The following PYM1 variants were observed in gnomAD, a reference collection of about 807,000 sequenced individuals.
The protein encoded by PYM1 is partner of Y14 and mago.
A neutral mutation model predicts 20.7 loss-of-function variants in PYM1; 7 were observed. The ratio of observed to expected loss-of-function variants is 0.34; its 90% confidence interval spans 0.19 to 0.64. PYM1 has a LOEUF of 0.64. PYM1 is among the 30% of genes least tolerant of loss of function. The pLI is 0.74. For missense variants in PYM1, 194 were observed against 250.0 expected, an observed-to-expected ratio of 0.78 and a Z score of 1.51; for synonymous variants, 100 against 99.2, an observed-to-expected ratio of 1.01 and a Z score of -0.05.
chr12:55,910,690 C>T (rs945777597), intron 1 of PYM1, among the ~76,000 whole-genome samples: 5 of 152,094 alleles, frequency 3.3e-5, no homozygotes, highest in Non-Finnish European at 5.9e-5. Context: ...GTGATCCACC[C>T]ACCTCAGCCT....
chr12:55,905,625 C>T (rs1307925404), intron 1 of PYM1, among the ~76,000 whole-genome samples: 2 of 148,976 alleles, frequency 1.3e-5, no homozygotes, highest in African/African-American at 4.9e-5. Context: ...ACTGCTTGAA[C>T]CCACGAGGCG....
chr12:55,922,410 G>C (rs1883112681), intron 1 of PYM1, among the ~76,000 whole-genome samples: 1 of 122,152 alleles, frequency 8.2e-6, no homozygotes, highest in Non-Finnish European at 1.6e-5. Flanking sequence ...AGGAGTTCAA[G>C]ACCAGCCCAG....
chr12:55,921,884 G>GT (rs1419989084), intron 1 of PYM1, among the ~76,000 whole-genome samples: 21 of 152,004 alleles, frequency 1.4e-4, no homozygotes, highest in African/African-American at 7.2e-5. Context: ...CAAATAGTGT[G>GT]TTTTTTTAAT....
At chr12:55,918,337 T>C (rs1302070010) in intron 1 of PYM1, among the ~76,000 whole-genome samples, 1 of 152,086 alleles carries the variant, frequency 6.6e-6, no homozygotes, top group Non-Finnish European at 1.5e-5. Flanking sequence ...CCTGACCTCA[T>C]GATCCGCCCG....
chr12:55,911,777 G>T (rs563307110), intron 1 of PYM1, among the ~76,000 whole-genome samples: 2 of 151,762 alleles, frequency 1.3e-5, no homozygotes, highest in Admixed American at 6.6e-5. Flanking sequence ...GGAGGGGGAG[G>T]TTGCAATGAG....
intron 1 of PYM1, among the ~76,000 whole-genome samples, chr12:55,921,339 A>G (rs958291348): frequency 2.6e-5 from 4 of 152,182 alleles, no homozygotes; most frequent in African/African-American, 7.2e-5. Flanking sequence ...AGTTATTCCA[A>G]TTTCATTGAT....
At chr12:55,914,171 G>A (rs1026611343) in intron 1 of PYM1, 3 of 629,338 alleles carry the variant, frequency 4.8e-6, no homozygotes, top group Non-Finnish European at 8.6e-6. Context: ...GGTTTAGGAG[G>A]ACTAAAGATA....
intron 1 of PYM1, among the ~76,000 whole-genome samples, chr12:55,918,121 G>A (rs552994613): frequency 3.4e-5 from 5 of 147,842 alleles, no homozygotes; most frequent in African/African-American, 1.0e-4. Context: ...TTTTTGAGAC[G>A]GAGTCTCGCT....
At chr12:55,907,619 C>A (rs931854318) in intron 1 of PYM1, among the ~76,000 whole-genome samples, 5 of 131,666 alleles carry the variant, frequency 3.8e-5, no homozygotes, top group African/African-American at 1.5e-4. Flanking sequence ...GGTGACAGAG[C>A]GAGACTTCGT....
intron 1 of PYM1, among the ~76,000 whole-genome samples, chr12:55,905,355 A>G (rs1332329278): frequency 1.3e-5 from 2 of 151,760 alleles, no homozygotes; most frequent in Non-Finnish European, 2.9e-5. Flanking sequence ...TCTCATCACT[A>G]AAGTATTTAA....
chr12:55,905,151 G>A (rs1227926825), intron 1 of PYM1, among the ~76,000 whole-genome samples: 5 of 150,166 alleles, frequency 3.3e-5, no homozygotes, highest in African/African-American at 4.9e-5. Context: ...ACAGGCGCCT[G>A]CCACCACACC....
At chr12:55,907,484 AT>A (rs1211938462) in intron 1 of PYM1, among the ~76,000 whole-genome samples, 1 of 149,034 alleles carries the variant, frequency 6.7e-6, no homozygotes, top group Non-Finnish European at 1.5e-5. Flanking sequence ...AAAAAAAAAA[AT>A]TAGCCGGGCA....
chr12:55,924,126 G>A (rs2136270579), intron 1 of PYM1, among the ~76,000 whole-genome samples: 1 of 151,854 alleles, frequency 6.6e-6, no homozygotes, highest in African/African-American at 2.4e-5. Context: ...GGGTTGGCTA[G>A]AATAATGGTG....
chr12:55,923,791 G>A (rs1883140617), intron 1 of PYM1, among the ~76,000 whole-genome samples: 1 of 151,754 alleles, frequency 6.6e-6, no homozygotes, highest in African/African-American at 2.4e-5. Flanking sequence ...ATTAAAAAAA[G>A]AAATGGCTAG....
intron 1 of PYM1, chr12:55,927,099 G>A (rs1278285658): frequency 6.5e-7 from 1 of 1,547,458 alleles, no homozygotes; most frequent in Non-Finnish European, 8.7e-7. Flanking sequence ...AGTAACATAG[G>A]GAGTCGCCAT....
intron 1 of PYM1, among the ~76,000 whole-genome samples, chr12:55,923,168 G>A (rs1488526118): frequency 6.6e-6 from 1 of 152,132 alleles, no homozygotes; most frequent in African/African-American, 2.4e-5. Context: ...AGGTTGCGGT[G>A]AGCTGAGATC....
At chr12:55,926,846 G>C (rs1883197511) in intron 1 of PYM1, among the ~76,000 whole-genome samples, 1 of 152,182 alleles carries the variant, frequency 6.6e-6, no homozygotes, top group South Asian at 2.1e-4. Flanking sequence ...CTGAAGCAGG[G>C]ACCAGCACTG....
intron 1 of PYM1, among the ~76,000 whole-genome samples, chr12:55,915,001 G>C (rs1192681639): frequency 6.6e-6 from 1 of 151,664 alleles, no homozygotes; most frequent in African/African-American, 2.4e-5. Flanking sequence ...GGATCACGAG[G>C]TCACGAGATG....
rs200212914 is a variant in PYM1, at chr12:55,902,093, G to C, written c.394C>G (p.Arg132Gly). 9 of 1,614,094 alleles carry C rather than the reference G, an allele frequency of 5.6e-6. No individual in the cohort carries two copies. The highest frequency in any genetic ancestry group is 7.6e-6 in the Non-Finnish European group (9 of 1,180,018). ...AQLPSAPQGS[R>G]AAPTAASDQP... ...TCAGATGCAGCTGTGGGGGCTGCCC[G>C]AGAGCCCTGTGGAGCACTGGGGAGT... The change falls in exon 3 of 3, where the codon CGG becomes GGG. Residue 132 changes from arginine to glycine, a missense_variant. Around this residue, in one of 3 missense-constraint regions of PYM1, gnomAD observed 158 missense variants for 179.0 expected, o/e 0.88. Coordinates refer to ENST00000408946, the MANE Select transcript of PYM1 (RefSeq NM_032345.3).
Sources: gnomAD v4.1 joint callset for allele counts (sites outside exome capture counted in the v4.1 genomes callset) on GRCh38, gnomAD v4.1.1 for gene constraint, gnomAD v4.1.1 regional missense constraint, MANE v1.5 for transcripts, NCBI Gene and HGNC (gene_info 2026-07-23, HGNC 2026-07-21) for gene names.